The following ADAMTS6 variants were observed in gnomAD, a reference collection of about 807,000 sequenced individuals.
ADAMTS6 encodes the protein ADAM metallopeptidase with thrombospondin type 1 motif 6.
Under a neutral mutation model 144.3 loss-of-function variants are expected in ADAMTS6, and 23 were observed. The observed-to-expected ratio is 0.16, with a 90% confidence interval of 0.11 to 0.23. The LOEUF (loss-of-function observed/expected upper bound fraction) is 0.23. Ranked by LOEUF, ADAMTS6 falls within the 10% of genes least tolerant of loss-of-function variation. The pLI is 1.00. For missense variants in ADAMTS6, 999 were observed against 1,379.6 expected (o/e 0.72, Z 4.37); for synonymous variants, 444 against 457.5 (o/e 0.97, Z 0.38).
chr5:65,465,678 T>C (rs1759942300), intron 3 of ADAMTS6, among the ~76,000 whole-genome samples: 1 of 152,248 alleles, frequency 6.6e-6, no homozygotes, highest in African/African-American at 2.4e-5. Flanking sequence ...TCCTCAATGA[T>C]AAATTCAATG....
chr5:65,320,198 C>T (rs569482641), intron 9 of ADAMTS6, among the ~76,000 whole-genome samples: 1 of 152,052 alleles, frequency 6.6e-6, no homozygotes, highest in Admixed American at 6.5e-5. Flanking sequence ...TATAGCTAGA[C>T]TGATCAAGAA....
chr5:65,424,325 T>C (rs569436577), intron 7 of ADAMTS6, among the ~76,000 whole-genome samples: 1 of 152,358 alleles, frequency 6.6e-6, no homozygotes, highest in Admixed American at 6.5e-5. Flanking sequence ...TGGACAGTTT[T>C]AGTTAGAAAA....
intron 7 of ADAMTS6, among the ~76,000 whole-genome samples, chr5:65,398,820 GAA>G (rs1159690457): frequency 2.2e-5 from 3 of 134,094 alleles, no homozygotes; most frequent in African/African-American, 1.1e-4. Flanking sequence ...AAGAAAGAAA[GAA>G]AGAAAGAAAG....
At chr5:65,397,270 G>A (rs1753421387) in intron 7 of ADAMTS6, among the ~76,000 whole-genome samples, 1 of 151,630 alleles carries the variant, frequency 6.6e-6, no homozygotes, top group Admixed American at 6.6e-5. Context: ...CCAAATTTTG[G>A]TTTTGTTGAT....
intron 1 of ADAMTS6, among the ~76,000 whole-genome samples, chr5:65,474,521 G>T (rs1227626425): frequency 7.2e-5 from 11 of 151,918 alleles, no homozygotes; most frequent in Non-Finnish European, 1.5e-5. Context: ...ACTTTACTCG[G>T]AAGTCTTATG....
chr5:65,154,133 G>C (rs1368175801), intron 24 of ADAMTS6, among the ~76,000 whole-genome samples: 1 of 152,170 alleles, frequency 6.6e-6, no homozygotes, highest in African/African-American at 2.4e-5. Context: ...ACTTGAACCC[G>C]GGAGGCGGAG....
intron 7 of ADAMTS6, among the ~76,000 whole-genome samples, chr5:65,358,335 A>G (rs1305431557): frequency 1.3e-5 from 2 of 152,022 alleles, no homozygotes; most frequent in African/African-American, 2.4e-5. Flanking sequence ...TAAAGATCCT[A>G]TATGACAAGC....
chr5:65,206,699 C>CAAAAAAA (rs11296295), intron 20 of ADAMTS6, among the ~76,000 whole-genome samples: 17 of 77,858 alleles, frequency 2.2e-4, no homozygotes, highest in East Asian at 3.8e-4. Flanking sequence ...GACTCCATCT[C>CAAAAAAA]AAAAAAAAAA....
At chr5:65,276,976 C>T (rs1000124226) in intron 11 of ADAMTS6, among the ~76,000 whole-genome samples, 1 of 152,090 alleles carries the variant, frequency 6.6e-6, no homozygotes, top group Admixed American at 6.5e-5. Flanking sequence ...TAAATCAGCA[C>T]CTGTGTGTTA....
At chr5:65,446,510 T>C (rs902960626) in intron 7 of ADAMTS6, among the ~76,000 whole-genome samples, 1 of 152,186 alleles carries the variant, frequency 6.6e-6, no homozygotes, top group African/African-American at 2.4e-5. Flanking sequence ...TTGAGATGTA[T>C]TTATAAATCC....
At chr5:65,276,871 T>A (rs1762586274) in intron 11 of ADAMTS6, among the ~76,000 whole-genome samples, 1 of 152,224 alleles carries the variant, frequency 6.6e-6, no homozygotes, top group Non-Finnish European at 1.5e-5. Context: ...CTTTTTACTA[T>A]CCACCAGCTT....
chr5:65,378,102 C>G (rs1751720217), intron 7 of ADAMTS6, among the ~76,000 whole-genome samples: 1 of 152,108 alleles, frequency 6.6e-6, no homozygotes, highest in Admixed American at 6.6e-5. Context: ...ATCTGCAAGA[C>G]CCTATTTCCA....
chr5:65,193,646 C>G (rs1217246485), intron 21 of ADAMTS6, among the ~76,000 whole-genome samples: 4 of 152,112 alleles, frequency 2.6e-5, no homozygotes, highest in Non-Finnish European at 5.9e-5. Flanking sequence ...TAGATTCACA[C>G]AATCTTTCTG....
chr5:65,211,142 A>G (rs1756501937), intron 20 of ADAMTS6, among the ~76,000 whole-genome samples: 1 of 152,242 alleles, frequency 6.6e-6, no homozygotes, highest in African/African-American at 2.4e-5. Context: ...CCTAAACTCT[A>G]AAGGGACTTT....
chr5:65,242,777 GACT>G (rs1759304778), intron 14 of ADAMTS6, among the ~76,000 whole-genome samples: 1 of 151,982 alleles, frequency 6.6e-6, no homozygotes, highest in Non-Finnish European at 1.5e-5. Flanking sequence ...AAGGGATTTG[GACT>G]TATTATGATT....
Position 65,310,439 on chromosome 5 carries a change from T to A in ADAMTS6, c.1224-10308A>T, listed in dbSNP as rs544866008. On this transcript the variant is annotated intron_variant, in intron 9 of 24. Transcript: ENST00000381055. ...TACATGGGAGGCTGAGGCAGAAGGA[T>A]CACTTGAGCCCAGGAGGTTGAGGCG... Among the ~76,000 whole-genome samples, 3 of 152,230 alleles carry A rather than the reference T, an allele frequency of 2.0e-5. No homozygotes were observed. The East Asian group carries it at 5.8e-4, about 29-fold the overall frequency.
intron 9 of ADAMTS6, among the ~76,000 whole-genome samples, chr5:65,308,644 C>A (rs1272752292): frequency 6.6e-6 from 1 of 152,138 alleles, no homozygotes; most frequent in Non-Finnish European, 1.5e-5. Context: ...GCATAACTCT[C>A]CCTGGATGGC....
intron 14 of ADAMTS6, among the ~76,000 whole-genome samples, chr5:65,243,855 A>G (rs1398089476): frequency 1.3e-5 from 2 of 152,156 alleles, no homozygotes; most frequent in Non-Finnish European, 2.9e-5. Context: ...AACTCTAGCT[A>G]TAAGTTTTCA....
intron 7 of ADAMTS6, among the ~76,000 whole-genome samples, chr5:65,447,138 G>A (rs1364795154): frequency 6.6e-6 from 1 of 152,096 alleles, no homozygotes; most frequent in South Asian, 2.1e-4. Flanking sequence ...GCTAAACATT[G>A]ATGCAAATAT....
Sources: allele counts gnomAD v4.1 joint callset (sites outside exome capture counted in the v4.1 genomes callset), GRCh38; gene constraint gnomAD v4.1.1; transcripts MANE v1.5; gene names NCBI Gene and HGNC (gene_info 2026-07-23, HGNC 2026-07-21).